The following CNBD1 variants were observed in gnomAD, a reference collection of about 807,000 sequenced individuals.
The protein encoded by CNBD1 is cyclic nucleotide binding domain containing 1, also known as cyclic nucleotide-binding domain-containing protein 1.
In CNBD1, 71 loss-of-function variants were observed where a neutral mutation model predicts 54.4. That is an observed-to-expected ratio of 1.30 (90% CI 1.08 to 1.59). CNBD1 has a LOEUF of 1.59. Ranked by LOEUF, CNBD1 falls within the 40% of genes most tolerant of loss-of-function variation. The pLI is 0.00. For synonymous variants in CNBD1, 182 were observed against 170.7 expected, an observed-to-expected ratio of 1.07 and a Z score of -0.51; for missense variants, 659 against 518.0, an observed-to-expected ratio of 1.27 and a Z score of -2.64.
chr8:87,207,453 GACACACAC>G (rs35603569), intron 5 of CNBD1, among the ~76,000 whole-genome samples: 1 of 148,246 alleles, frequency 6.7e-6, no homozygotes, highest in Non-Finnish European at 1.5e-5. Flanking sequence ...TATGCACATA[GACACACAC>G]ACACACACAC....
rs1325241035 is a variant in CNBD1 at position 87,029,236 on chromosome 8, T to C, written c.431+89482T>C. Among the ~76,000 whole-genome samples, 4 of 152,260 alleles carry C rather than the reference T, an allele frequency of 2.6e-5. No individual in the cohort carries two copies. In the East Asian group the frequency reaches 7.7e-4, roughly 29 times the overall value. On this transcript the variant is annotated intron_variant, in intron 4 of 10. Transcript: ENST00000518476. ...AATCTGTGTGTGTTCCAATTAAAAG[T>C]ATTCTTTCAGACCAATATACGTGAA...
chr8:87,405,707 G>A (rs1448274928), intron 2 of CNBD1, among the ~76,000 whole-genome samples: 1 of 152,050 alleles, frequency 6.6e-6, no homozygotes, highest in Non-Finnish European at 1.5e-5. Flanking sequence ...TCCTTCCCTA[G>A]GATATGAGCA....
intron 4 of CNBD1, among the ~76,000 whole-genome samples, chr8:87,108,874 A>G (rs1452820187): frequency 6.6e-6 from 1 of 151,654 alleles, no homozygotes; most frequent in Non-Finnish European, 1.5e-5. Flanking sequence ...CTCTTGGTCT[A>G]TATTATGGCC....
chr8:87,200,311 A>G (rs1239153043), intron 4 of CNBD1, among the ~76,000 whole-genome samples: 1 of 152,220 alleles, frequency 6.6e-6, no homozygotes, highest in Non-Finnish European at 1.5e-5. Context: ...CATCACAGTC[A>G]GTGTTCAAAT....
chr8:87,328,222 C>G (rs1166257175), intron 8 of CNBD1, among the ~76,000 whole-genome samples: 1 of 152,048 alleles, frequency 6.6e-6, no homozygotes, highest in Non-Finnish European at 1.5e-5. Flanking sequence ...AAACCATTTA[C>G]TGAAGAGGCT....
At chr8:87,222,729 G>GGCC (rs1814367930) in intron 5 of CNBD1, among the ~76,000 whole-genome samples, 2 of 152,056 alleles carry the variant, frequency 1.3e-5, no homozygotes. Context: ...CTTTGTAATT[G>GGCC]GCCGTTAACC....
chr8:87,168,640 A>G (rs573851611), intron 4 of CNBD1, among the ~76,000 whole-genome samples: 1 of 151,914 alleles, frequency 6.6e-6, no homozygotes, highest in Admixed American at 6.6e-5. Flanking sequence ...CATGAGTTCA[A>G]TTGTTTTGAT....
intron 2 of CNBD1, among the ~76,000 whole-genome samples, chr8:87,419,286 G>C (rs1807886342): frequency 6.6e-6 from 1 of 151,818 alleles, no homozygotes; most frequent in Non-Finnish European, 1.5e-5. Context: ...ATTAGTGTTT[G>C]CTAGGATCTG....
At chr8:87,410,195 A>G (rs1001003859) in intron 2 of CNBD1, among the ~76,000 whole-genome samples, 2 of 152,166 alleles carry the variant, frequency 1.3e-5, no homozygotes, top group Non-Finnish European at 2.9e-5. Context: ...TAGTCAACCA[A>G]GAGCTCTGAT....
At chr8:87,023,566 A>G (rs987814772) in intron 4 of CNBD1, among the ~76,000 whole-genome samples, 2 of 152,224 alleles carry the variant, frequency 1.3e-5, no homozygotes, top group Non-Finnish European at 2.9e-5. Flanking sequence ...GAGACCCTTA[A>G]TACTACTAAT....
chr8:86,985,672 T>C (rs771060391), intron 4 of CNBD1, among the ~76,000 whole-genome samples: 7 of 152,172 alleles, frequency 4.6e-5, no homozygotes, highest in Non-Finnish European at 1.0e-4. Flanking sequence ...TAAGTGCATG[T>C]GTCTTTTTGG....
At chr8:87,096,846 C>A (rs1811330491) in intron 4 of CNBD1, among the ~76,000 whole-genome samples, 1 of 151,452 alleles carries the variant, frequency 6.6e-6, no homozygotes. Context: ...CTTTAGCCTG[C>A]AAAGCTCTAC....
intron 2 of CNBD1, among the ~76,000 whole-genome samples, chr8:87,416,494 G>T (rs1216982957): frequency 6.6e-6 from 1 of 151,980 alleles, no homozygotes; most frequent in Non-Finnish European, 1.5e-5. Flanking sequence ...AAAAACAACG[G>T]CTCCAATCAT....
At chr8:86,928,345 A>C (rs1435988001) in intron 3 of CNBD1, among the ~76,000 whole-genome samples, 1 of 152,124 alleles carries the variant, frequency 6.6e-6, no homozygotes, top group Non-Finnish European at 1.5e-5. Flanking sequence ...AGGACATGGG[A>C]GATGAGTTTC....
chr8:87,317,464 A>G (rs1335856967), intron 8 of CNBD1, among the ~76,000 whole-genome samples: 5 of 151,762 alleles, frequency 3.3e-5, no homozygotes, highest in African/African-American at 1.2e-4. Flanking sequence ...TCAATTTTCA[A>G]GTAAATTTTT....
chr8:87,092,050 T>C (rs1041271797), intron 4 of CNBD1, among the ~76,000 whole-genome samples: 1 of 152,214 alleles, frequency 6.6e-6, no homozygotes, highest in African/African-American at 2.4e-5. Context: ...ATTTATTTCA[T>C]ATTAATCTGA....
At chr8:87,238,113 T>C (rs576172673) in intron 6 of CNBD1, among the ~76,000 whole-genome samples, 2 of 152,162 alleles carry the variant, frequency 1.3e-5, no homozygotes, top group East Asian at 1.9e-4. Flanking sequence ...GGGGATATGA[T>C]GGGAATCACC....
At chr8:87,346,684 G>T (rs1275478113) in intron 8 of CNBD1, among the ~76,000 whole-genome samples, 4 of 152,042 alleles carry the variant, frequency 2.6e-5, no homozygotes, top group Admixed American at 1.3e-4. Flanking sequence ...TAATATATTT[G>T]CTAATAGAGC....
At chr8:87,054,395 TC>T (rs1028877648) in intron 4 of CNBD1, among the ~76,000 whole-genome samples, 4 of 151,832 alleles carry the variant, frequency 2.6e-5, no homozygotes, top group African/African-American at 7.3e-5. Flanking sequence ...TAATTAATAT[TC>T]CCCCCATCCA....
Sources: allele counts gnomAD v4.1 joint callset (sites outside exome capture counted in the v4.1 genomes callset), GRCh38; gene constraint gnomAD v4.1.1; transcripts MANE v1.5; gene names NCBI Gene and HGNC (gene_info 2026-07-23, HGNC 2026-07-21).